The following NPFFR2 variants were observed in gnomAD, a reference collection of about 807,000 sequenced individuals.
NPFFR2 encodes the protein G-protein coupled receptor 74.
In NPFFR2, 15 loss-of-function variants were observed where a neutral mutation model predicts 13.1. The ratio of observed to expected loss-of-function variants is 1.15; its 90% CI spans 0.77 to 1.76. NPFFR2 has a LOEUF of 1.76. NPFFR2 is among the 40% of genes most tolerant of loss of function. The pLI is 0.00. For synonymous variants in NPFFR2, 190 were observed against 175.7 expected, an observed-to-expected ratio of 1.08 and a Z score of -0.65; for missense variants, 572 against 503.5, an observed-to-expected ratio of 1.14 and a Z score of -1.30.
At chr4:72,038,471 C>T (rs963379403) in intron 1 of NPFFR2, among the ~76,000 whole-genome samples, 2 of 152,120 alleles carry the variant, frequency 1.3e-5, no homozygotes, top group African/African-American at 4.8e-5. Context: ...GATTATCCTG[C>T]ATCTTTTTAC....
rs115174860 is a variant in NPFFR2 at position 72,092,721 on chromosome 4, T to C, written c.-7-35864T>C. On this transcript the variant is annotated intron_variant, in intron 1 of 3. Transcript: ENST00000308744. ...TTTATACCCCTTTACCTTAAGTTTA[T>C]ATGGGTCCTTATGTGCCAGGTGAGT... Among the ~76,000 whole-genome samples the C allele has an allele frequency of 3.2e-3, 493 of 152,302 alleles. 5 individuals carry two copies. Among genetic ancestry groups the C allele is most frequent in the African/African-American group, 0.011 (457 of 41,584 alleles).
chr4:72,142,430 G>T (rs1722660040), intron 3 of NPFFR2, among the ~76,000 whole-genome samples: 1 of 152,106 alleles, frequency 6.6e-6, no homozygotes, highest in Non-Finnish European at 1.5e-5. Flanking sequence ...CCCTCCGTGG[G>T]CTGCACCCAC....
At chr4:72,073,947 T>C (rs939133765) in intron 1 of NPFFR2, among the ~76,000 whole-genome samples, 1 of 151,938 alleles carries the variant, frequency 6.6e-6, no homozygotes, top group Non-Finnish European at 1.5e-5. Flanking sequence ...GAAAAAAAGA[T>C]GGTAATGCAG....
At chr4:72,057,038 A>G (rs1719770535) in intron 1 of NPFFR2, among the ~76,000 whole-genome samples, 1 of 152,030 alleles carries the variant, frequency 6.6e-6, no homozygotes, top group African/African-American at 2.4e-5. Flanking sequence ...TAAAACCACA[A>G]TAAAGTGATA....
chr4:72,056,545 AT>A (rs1162466618), intron 1 of NPFFR2, among the ~76,000 whole-genome samples: 1 of 152,048 alleles, frequency 6.6e-6, no homozygotes, highest in East Asian at 1.9e-4. Context: ...TCAATGAGTA[AT>A]TTTGACTTTC....
At chr4:72,076,005 A>G (rs1720422470) in intron 1 of NPFFR2, among the ~76,000 whole-genome samples, 1 of 12,332 alleles carries the variant, frequency 8.1e-5, no homozygotes, top group South Asian at 3.4e-3. Context: ...ACACACACAC[A>G]CAGAGAGAGA....
intron 1 of NPFFR2, among the ~76,000 whole-genome samples, chr4:72,071,232 G>A (rs544938734): frequency 2.0e-5 from 3 of 152,236 alleles, no homozygotes; most frequent in East Asian, 3.9e-4. Flanking sequence ...CATGAATATC[G>A]TAAATGTCAA....
At chr4:72,087,404 C>G (rs1267783537) in intron 1 of NPFFR2, among the ~76,000 whole-genome samples, 1 of 152,032 alleles carries the variant, frequency 6.6e-6, no homozygotes, top group African/African-American at 2.4e-5. Flanking sequence ...GCAGATAATA[C>G]AATTCTTATT....
intron 2 of NPFFR2, among the ~76,000 whole-genome samples, chr4:72,134,328 C>T (rs1280725906): frequency 6.6e-6 from 1 of 152,042 alleles, no homozygotes; most frequent in Admixed American, 6.5e-5. Context: ...AGGCAGCCAC[C>T]TTCAGCAATT....
At chr4:72,062,676 A>G (rs1213552551) in intron 1 of NPFFR2, among the ~76,000 whole-genome samples, 1 of 152,196 alleles carries the variant, frequency 6.6e-6, no homozygotes, top group African/African-American at 2.4e-5. Flanking sequence ...AACAAAATGT[A>G]ATGGTACTCC....
intron 1 of NPFFR2, among the ~76,000 whole-genome samples, chr4:72,051,154 T>C (rs1041752951): frequency 1.3e-5 from 2 of 151,824 alleles, no homozygotes; most frequent in African/African-American, 4.8e-5. Flanking sequence ...GGTCAAATGG[T>C]ATTTCTAGTT....
intron 1 of NPFFR2, among the ~76,000 whole-genome samples, chr4:72,061,389 A>G (rs116317947): frequency 7.9e-5 from 12 of 152,258 alleles, no homozygotes; most frequent in Admixed American, 1.3e-4. Context: ...GACTGTGCTA[A>G]TCTATCACTA....
intron 1 of NPFFR2, among the ~76,000 whole-genome samples, chr4:72,044,185 A>G (rs545854554): frequency 4.0e-4 from 61 of 152,268 alleles, no homozygotes; most frequent in African/African-American, 1.5e-3. Flanking sequence ...CTCCCCACTC[A>G]TGCAGAATTG....
chr4:72,067,872 G>A (rs1165318433), intron 1 of NPFFR2, among the ~76,000 whole-genome samples: 1 of 152,172 alleles, frequency 6.6e-6, no homozygotes, highest in East Asian at 1.9e-4. Flanking sequence ...CATTAGAATA[G>A]TCTTCGCTAA....
intron 1 of NPFFR2, among the ~76,000 whole-genome samples, chr4:72,125,908 T>G (rs941664869): frequency 6.6e-6 from 1 of 152,200 alleles, no homozygotes; most frequent in African/African-American, 2.4e-5. Context: ...CAGAGACACT[T>G]GGGAAGCCAT....
At position 72,104,786 on chromosome 4, in the gene NPFFR2, A is replaced by C. The variant is rs114026689; in HGVS notation, c.-7-23799A>C. ...AACCAGAAGTGACTATTAATATCAA[A>C]GGAATATTTAAGTTACAGGAGAATT... On this transcript the variant is annotated intron_variant, in intron 1 of 3. Coordinates refer to ENST00000308744, the MANE Select transcript of NPFFR2 (RefSeq NM_004885.3). Among the ~76,000 whole-genome samples, 696 of 152,156 alleles carry C rather than the reference A, an allele frequency of 4.6e-3. 3 individuals carry two copies. The highest frequency in any genetic ancestry group is 0.016 in the African/African-American group (667 of 41,510).
At chr4:72,139,846 G>A (rs1722542570) in intron 3 of NPFFR2, among the ~76,000 whole-genome samples, 1 of 152,070 alleles carries the variant, frequency 6.6e-6, no homozygotes, top group South Asian at 2.1e-4. Flanking sequence ...AATTACCTTG[G>A]GCAGTATGGT....
chr4:72,123,026 AAG>A (rs780211516), intron 1 of NPFFR2, among the ~76,000 whole-genome samples: 1 of 152,174 alleles, frequency 6.6e-6, no homozygotes, highest in African/African-American at 2.4e-5. Flanking sequence ...TAAAGAAGAA[AAG>A]AGAGAAGAAT....
chr4:72,107,911 A>G (rs1257740751), intron 1 of NPFFR2, among the ~76,000 whole-genome samples: 2 of 152,074 alleles, frequency 1.3e-5, no homozygotes, highest in Non-Finnish European at 2.9e-5. Flanking sequence ...ATTTTTATGC[A>G]TATTGTATTT....
Sources: allele counts gnomAD v4.1 joint callset (sites outside exome capture counted in the v4.1 genomes callset), GRCh38; gene constraint gnomAD v4.1.1; transcripts MANE v1.5; gene names NCBI Gene and HGNC (gene_info 2026-07-23, HGNC 2026-07-21).